ZFC3H1: variants seen among roughly 807,000 people sequenced by gnomAD.
ZFC3H1 encodes the protein zinc finger C3H1 domain-containing protein.
Under a neutral mutation model 243.7 loss-of-function variants are expected in ZFC3H1, and 71 were observed. The ratio of observed to expected loss-of-function variants is 0.29; its 90% CI spans 0.24 to 0.36. The LOEUF (loss-of-function observed/expected upper bound fraction) is 0.36. Ranked by LOEUF, ZFC3H1 falls within the 10% of genes least tolerant of loss-of-function variation. ZFC3H1 has a pLI of 1.00. For missense variants in ZFC3H1, 1,966 were observed against 2,317.1 expected (o/e 0.85, Z 3.11); for synonymous variants, 838 against 813.0 (o/e 1.03, Z -0.52).
rs1406055530 is a variant in ZFC3H1 at position 71,637,964 on chromosome 12, A to G, written c.1725+454T>C. 3.9e-5 allele frequency among the ~76,000 whole-genome samples: 6 copies of G among 152,102 alleles called. No individual in the cohort carries two copies. In the East Asian group the frequency reaches 9.6e-4, roughly 24 times the overall value. Reference sequence around the variant, plus strand: ...AGGACTGGAGATGGGGGGGAAAAGAAATTAACTTCATAGAAAATGCTTTTC... The same window carrying G: ...AGGACTGGAGATGGGGGGGAAAAGAGATTAACTTCATAGAAAATGCTTTTC... On this transcript the variant is annotated intron_variant, in intron 7 of 34. Coordinates refer to ENST00000378743, the MANE Select transcript of ZFC3H1 (RefSeq NM_144982.5).
chr12:71,661,785 C>A (rs992758930), intron 1 of ZFC3H1, among the ~76,000 whole-genome samples: 1 of 152,160 alleles, frequency 6.6e-6, no homozygotes, highest in Admixed American at 6.5e-5. Flanking sequence ...CTGGCGCCTA[C>A]ATGATTTTCT....
chr12:71,631,647 T>C, intron 16 of ZFC3H1, 131 bp downstream of exon 16: 1 of 760,590 alleles, frequency 1.3e-6, no homozygotes. Flanking sequence ...TTATGTTCCT[T>C]AAAAGGGTAA....
At chr12:71,648,362 G>A (rs1880779246) in intron 2 of ZFC3H1, among the ~76,000 whole-genome samples, 1 of 152,182 alleles carries the variant, frequency 6.6e-6, no homozygotes, top group Non-Finnish European at 1.5e-5. Context: ...CCAGATGACT[G>A]ATGAAATAAT....
chr12:71,659,795 T>C (rs1370612111), intron 1 of ZFC3H1, among the ~76,000 whole-genome samples: 1 of 152,160 alleles, frequency 6.6e-6, no homozygotes, highest in Non-Finnish European at 1.5e-5. Flanking sequence ...TGAACCTTGG[T>C]TTAAACAAAA....
Position 71,620,281 on chromosome 12 carries a change from A to T in ZFC3H1, c.4779T>A (p.Ala1593=). 6.2e-7 allele frequency: 1 copy of T among 1,614,194 alleles called. No individual in the cohort carries two copies. ...GGCAGGCCTCTATTCTTTCCTCAAC[A>T]GCAAGGCTCTCATCTGTGCAAGCTT... is the stretch of plus-strand genomic sequence containing the variant. The part of the protein sequence containing the change: ...AVKACTDESL[A]VEERIEACLP... Residue 1593 remains alanine (A), a synonymous_variant, in exon 25 of 35, where the codon GCT becomes GCA. Coordinates refer to ENST00000378743, the MANE Select transcript of ZFC3H1 (RefSeq NM_144982.5).
At chr12:71,639,160 T>C (rs1033233741) in intron 6 of ZFC3H1, among the ~76,000 whole-genome samples, 1 of 152,218 alleles carries the variant, frequency 6.6e-6, no homozygotes, top group Non-Finnish European at 1.5e-5. Flanking sequence ...AATGACTTGT[T>C]AGGCTCACTG....
Position 71,663,285 on chromosome 12 carries a change from G to A in ZFC3H1, c.326C>T (p.Pro109Leu). 1.2e-6 allele frequency: 2 copies of A among 1,613,494 alleles called. No homozygotes were observed. Among genetic ancestry groups the A allele is most frequent in the Non-Finnish European group, 1.7e-6 (2 of 1,180,026 alleles). The stretch of plus-strand genomic sequence containing the variant: ...TACAGAAGGCGGATGAGACCGGAAC[G>A]GTTCTTTGGGTCGGTAGCTGCTGGG... ...RGPSSYRPKE[P>L]FRSHPPSVRM... The change falls in exon 1 of 35, where the codon CCG (proline) becomes CTG (leucine). Residue 109 changes from proline to leucine, a missense_variant. Coordinates refer to ENST00000378743, the MANE Select transcript of ZFC3H1 (RefSeq NM_144982.5).
At position 71,632,518 on chromosome 12, in the gene ZFC3H1, A is replaced by C. The variant is rs1880349455; in HGVS notation, c.2818-4T>G. The C allele has an allele frequency of 6.5e-7, 1 of 1,541,672 alleles. No homozygotes were observed. Among genetic ancestry groups the C allele is most frequent in the African/African-American group, 1.4e-5 (1 of 72,064 alleles). On this transcript the variant is annotated splice_polypyrimidine_tract_variant and splice_region_variant and intron_variant, in intron 14 of 34. Coordinates refer to ENST00000378743, the MANE Select transcript of ZFC3H1 (RefSeq NM_144982.5). ...CCAGTCTCATCATTTTGTTTGGCTA[A>C]GGGAGAAAAATGATACACGTATTTT...
intron 5 of ZFC3H1, among the ~76,000 whole-genome samples, chr12:71,643,434 G>A (rs1382013478): frequency 6.6e-6 from 1 of 151,696 alleles, no homozygotes; most frequent in Non-Finnish European, 1.5e-5. Flanking sequence ...AAATTTCAAA[G>A]TATAAATATT....
At chr12:71,644,071 AT>A in intron 5 of ZFC3H1, 23 bp downstream of exon 5, 1 of 1,589,422 alleles carries the variant, frequency 6.3e-7, no homozygotes, top group Non-Finnish European at 8.6e-7. Flanking sequence ...TAACGTTTTG[AT>A]TTTATATTTT....
intron 6 of ZFC3H1, among the ~76,000 whole-genome samples, chr12:71,640,702 G>A (rs1045129701): frequency 1.5e-4 from 23 of 152,280 alleles, no homozygotes; most frequent in Admixed American, 2.0e-4. Context: ...GCTGGCCAGG[G>A]GCAGCTGCCG....
chr12:71,649,091 C>CAAAAAAAAAAAAAAA (rs35231608), intron 2 of ZFC3H1, among the ~76,000 whole-genome samples: 4 of 89,796 alleles, frequency 4.5e-5, no homozygotes, highest in Non-Finnish European at 7.2e-5. Flanking sequence ...ACTCTTGTCT[C>CAAAAAAAAAAAAAAA]AAAAAAAAAA....
At position 71,630,710 on chromosome 12, in the gene ZFC3H1, T is replaced by C; in HGVS notation, c.3614A>G (p.Gln1205Arg). ...NDDDCQWQHI[Q>R]DYTLSRKQLF... is the part of the protein sequence containing the mutation. ...CTGTTTTCGGCTAAGTGTATAGTCT[T>C]GTATATGCTGCCTAAGATAAAAAAA... The change falls in exon 18 of 35, where the codon CAA becomes CGA. Residue 1205 changes from glutamine to arginine, a missense_variant. By Grantham distance (43) the Gln-to-Arg change is conservative (BLOSUM62 1). Transcript: ENST00000378743. The C allele has an allele frequency of 1.2e-6, 2 of 1,611,162 alleles. No individual in the cohort carries two copies. The highest frequency in any genetic ancestry group is 1.7e-6 in the Non-Finnish European group (2 of 1,179,100).
rs35231608 is a variant in ZFC3H1 at position 71,649,091 on chromosome 12, C to CA, written c.1016-1279dup. On this transcript the variant is annotated intron_variant, in intron 2 of 34. Coordinates refer to ENST00000378743, the MANE Select transcript of ZFC3H1 (RefSeq NM_144982.5). ...GGGTAACAGAGCAAGACTCTTGTCTCAAAAAAAAAAAAAAAAAAAGAAAAG... is the reference window on the plus strand; with the variant it reads ...GGGTAACAGAGCAAGACTCTTGTCTCAAAAAAAAAAAAAAAAAAAAGAAAAG... Among the ~76,000 whole-genome samples, 812 of 89,534 alleles carry CA rather than the reference C, an allele frequency of 9.1e-3. 7 individuals carry two copies. Among genetic ancestry groups the CA allele is most frequent in the Middle Eastern group, 0.019 (3 of 156 alleles). 58.7% of individuals were successfully genotyped at this position (89,534 alleles called of 152,430 possible).
chr12:71,656,943 T>G lies in ZFC3H1; in HGVS notation c.957A>C (p.Lys319Asn). 1 of 1,613,884 alleles carries G rather than the reference T, an allele frequency of 6.2e-7. No homozygotes were observed. The highest frequency in any genetic ancestry group is 8.5e-7 in the Non-Finnish European group (1 of 1,179,892). The change falls in exon 2 of 35, where the codon AAA (lysine) becomes AAC (asparagine). Residue 319 changes from lysine to asparagine, a missense_variant. Physicochemically the swap from Lys to Asn is moderately conservative, Grantham distance 94 (BLOSUM62 0). Transcript: ENST00000378743. ...AAAGTGGTTTTGCTCCATCTTTAAC[T>G]TTTTTCAAACGGTTCTTATCTCCTG... ...TLPGDKNRLK[K>N]VKDGAKPLSL...
In ZFC3H1 at chr12:71,657,304, G is replaced by A; in HGVS notation, c.599-3C>T. ...TGGAGACCTTCCAAAACTTTTGGCT[G>A]AACAGCATATTAAGGAAACCAGTTT... On this transcript the variant is annotated splice_region_variant and splice_polypyrimidine_tract_variant and intron_variant, in intron 1 of 34. Transcript: ENST00000378743. 3 of 1,513,610 alleles carry A rather than the reference G, an allele frequency of 2.0e-6. No homozygotes were observed. Among genetic ancestry groups the A allele is most frequent in the East Asian group, 2.3e-5 (1 of 43,398 alleles). 93.8% of individuals were successfully genotyped at this position (1,513,610 alleles called of 1,614,324 possible). A position where few individuals can be genotyped will look rare whatever the true frequency, so the allele number is the denominator to read the frequency against.
rs767742414 is a variant in ZFC3H1 at position 71,663,517 on chromosome 12, TATC to T, written c.91_93del (p.Asp31del). 2.5e-6 allele frequency: 4 copies of T among 1,613,618 alleles called. No homozygotes were observed. The highest frequency in any genetic ancestry group is 2.5e-6 in the Non-Finnish European group (3 of 1,180,032). On this transcript the variant is annotated inframe_deletion, in exon 1 of 35. Coordinates refer to ENST00000378743, the MANE Select transcript of ZFC3H1 (RefSeq NM_144982.5). ...CTCCGACTCCGTATCTGGCTGTTAT[TATC>T]GTCGTCACTGATTTCCCCATCTTCA...
intron 4 of ZFC3H1, 42 bp downstream of exon 4, chr12:71,644,835 G>T (rs367583777): frequency 6.2e-5 from 99 of 1,586,472 alleles, no homozygotes; most frequent in Non-Finnish European, 8.2e-5. Flanking sequence ...CAAAAGAAAA[G>T]AAAACAAAAC....
chr12:71,652,185 G>A (rs1880906421), intron 2 of ZFC3H1, among the ~76,000 whole-genome samples: 1 of 152,094 alleles, frequency 6.6e-6, no homozygotes, highest in Non-Finnish European at 1.5e-5. Context: ...TATACATGTA[G>A]AAACATTTAT....
Sources: gnomAD v4.1 joint callset for allele counts (sites outside exome capture counted in the v4.1 genomes callset) on GRCh38, gnomAD v4.1.1 for gene constraint, MANE v1.5 for transcripts, NCBI Gene and HGNC (gene_info 2026-07-23, HGNC 2026-07-21) for gene names.